The following FAM184B variants were observed in gnomAD, a reference collection of about 807,000 sequenced individuals.
The protein encoded by FAM184B is family with sequence similarity 184 member B.
In FAM184B, 111 loss-of-function variants were observed where a neutral mutation model predicts 135.9. The observed-to-expected ratio is 0.82, with a 90% CI of 0.70 to 0.96. The LOEUF is 0.96. Ranked by LOEUF, FAM184B falls within the 40% of genes least tolerant of loss-of-function variation. The pLI is 0.00. For missense variants in FAM184B, 1,375 were observed against 1,323.9 expected, an observed-to-expected ratio of 1.04 and a Z score of -0.60; for synonymous variants, 552 against 524.8, an observed-to-expected ratio of 1.05 and a Z score of -0.71.
At chr4:17,771,313 A>G (rs1415213310) in intron 1 of FAM184B, among the ~76,000 whole-genome samples, 1 of 152,144 alleles carries the variant, frequency 6.6e-6, no homozygotes, top group East Asian at 1.9e-4. Context: ...TTTTGGGGGC[A>G]CTGTGGAAAG....
chr4:17,747,823 A>G (rs1169580392), intron 1 of FAM184B, among the ~76,000 whole-genome samples: 1 of 142,974 alleles, frequency 7.0e-6, no homozygotes, highest in Non-Finnish European at 1.5e-5. Context: ...CGGGAGGCTG[A>G]GGCAGGAGAA....
chr4:17,680,147 G>T (rs1716402327), intron 7 of FAM184B, among the ~76,000 whole-genome samples: 1 of 152,100 alleles, frequency 6.6e-6, no homozygotes, highest in Non-Finnish European at 1.5e-5. Flanking sequence ...AGCATATAAG[G>T]TAACACATAT....
At chr4:17,644,149 G>A (rs529567446) in intron 12 of FAM184B, among the ~76,000 whole-genome samples, 1 of 152,192 alleles carries the variant, frequency 6.6e-6, no homozygotes, top group Admixed American at 6.5e-5. Context: ...GGACATACAG[G>A]TCATAATCAG....
intron 16 of FAM184B, 97 bp from the exon 17 acceptor site, chr4:17,633,985 A>G (rs1212037346): frequency 2.0e-6 from 2 of 982,230 alleles, no homozygotes; most frequent in African/African-American, 1.7e-5. Context: ...TCAAAATTGT[A>G]TCGGAGAAGA....
rs60232026 is a variant in FAM184B at position 17,748,120 on chromosome 4, A to G, written c.141+33039T>C. Among the ~76,000 whole-genome samples the G allele has an allele frequency of 7.1e-3, 1,040 of 147,512 alleles. 17 individuals carry two copies. Among genetic ancestry groups the G allele is most frequent in the African/African-American group, 0.023 (927 of 39,576 alleles). ...CTCCGTCTGAAAAAAAAAAAAAAAA[A>G]AAAGAAAAGAAAGAGTCAGAAGTAG... On this transcript the variant is annotated intron_variant, in intron 1 of 17. Transcript: ENST00000265018.
chr4:17,647,194 G>A (rs1715490064), intron 12 of FAM184B, among the ~76,000 whole-genome samples: 1 of 151,284 alleles, frequency 6.6e-6, no homozygotes, highest in Non-Finnish European at 1.5e-5. Flanking sequence ...CTGTGGAGAA[G>A]GGTCTTCCCC....
chr4:17,742,418 A>C (rs2108983916), intron 1 of FAM184B, among the ~76,000 whole-genome samples: 1 of 152,234 alleles, frequency 6.6e-6, no homozygotes, highest in Admixed American at 6.5e-5. Flanking sequence ...TGAGTGACAG[A>C]GCAATGATAA....
chr4:17,649,232 C>T (rs1715542747), intron 11 of FAM184B, among the ~76,000 whole-genome samples: 2 of 152,158 alleles, frequency 1.3e-5, no homozygotes, highest in African/African-American at 4.8e-5. Context: ...TACTAACCTT[C>T]CCTCAAAGGT....
At chr4:17,778,174 A>G (rs1056849674) in intron 1 of FAM184B, among the ~76,000 whole-genome samples, 2 of 152,208 alleles carry the variant, frequency 1.3e-5, no homozygotes, top group Non-Finnish European at 2.9e-5. Flanking sequence ...TAAACAAAAC[A>G]AATCTGAAAT....
chr4:17,715,128 T>G (rs1328280594), intron 1 of FAM184B, among the ~76,000 whole-genome samples: 1 of 152,196 alleles, frequency 6.6e-6, no homozygotes, highest in Non-Finnish European at 1.5e-5. Context: ...CACCTTGATT[T>G]TTTTAAACTT....
chr4:17,767,544 T>G (rs2108995892), intron 1 of FAM184B, among the ~76,000 whole-genome samples: 1 of 152,326 alleles, frequency 6.6e-6, no homozygotes, highest in South Asian at 2.1e-4. Flanking sequence ...TGAACTAAAT[T>G]GTTTTACGTG....
intron 1 of FAM184B, among the ~76,000 whole-genome samples, chr4:17,752,820 C>T (rs6449334): frequency 0.27 from 41,630 of 152,086 alleles, 5,953 homozygotes; most frequent in South Asian, 0.31. Context: ...TGACCTGTAC[C>T]GAATCCAGGA....
intron 10 of FAM184B, among the ~76,000 whole-genome samples, chr4:17,657,215 T>C (rs2159583): frequency 0.52 from 79,591 of 152,088 alleles, 23,419 homozygotes; most frequent in East Asian, 0.88. Flanking sequence ...TCCTACAACT[T>C]CTAAATGCTT....
At chr4:17,703,923 C>A (rs1717048059) in intron 5 of FAM184B, among the ~76,000 whole-genome samples, 1 of 104,110 alleles carries the variant, frequency 9.6e-6, no homozygotes. Context: ...GACCAAGACT[C>A]CGTTTCAAAA....
intron 1 of FAM184B, among the ~76,000 whole-genome samples, chr4:17,732,071 G>C (rs1325405160): frequency 6.6e-6 from 1 of 152,168 alleles, no homozygotes; most frequent in African/African-American, 2.4e-5. Flanking sequence ...TGAACAACCT[G>C]CTCCTGAGTG....
chr4:17,644,925 T>C (rs1251759344), intron 12 of FAM184B, among the ~76,000 whole-genome samples: 1 of 152,122 alleles, frequency 6.6e-6, no homozygotes, highest in African/African-American at 2.4e-5. Flanking sequence ...TCACAAGCAT[T>C]CTTATACACC....
intron 1 of FAM184B, among the ~76,000 whole-genome samples, chr4:17,766,544 G>A (rs1183370050): frequency 6.6e-6 from 1 of 151,890 alleles, no homozygotes; most frequent in East Asian, 1.9e-4. Context: ...GACACAGAGT[G>A]CTGATTGGTG....
In FAM184B at chr4:17,630,628, T is replaced by G. The variant is rs1020134151; in HGVS notation, c.*1904A>C. 7 of 152,168 alleles carry G rather than the reference T, an allele frequency of 4.6e-5. No individual in the cohort carries two copies. The highest frequency in any genetic ancestry group is 1.0e-4 in the Non-Finnish European group (7 of 68,022). The allele number at this position is 152,168 out of a possible 1,614,324, so 9.4% of individuals were successfully genotyped here. On this transcript the variant is annotated 3_prime_UTR_variant, in exon 18 of 18. Transcript: ENST00000265018. ...AACTAAGACACTCTAAGCGGGAAACTCACAAAAAATATTTGGTAGTGAAAA... is the reference window on the plus strand; with the variant it reads ...AACTAAGACACTCTAAGCGGGAAACGCACAAAAAATATTTGGTAGTGAAAA...
chr4:17,690,032 C>T (rs1011929519), intron 6 of FAM184B, among the ~76,000 whole-genome samples: 5 of 152,056 alleles, frequency 3.3e-5, no homozygotes, highest in Non-Finnish European at 5.9e-5. Context: ...CCTGTAATCC[C>T]AGCTACTTGG....
Sources: gnomAD v4.1 joint callset for allele counts (sites outside exome capture counted in the v4.1 genomes callset) on GRCh38, gnomAD v4.1.1 for gene constraint, MANE v1.5 for transcripts, NCBI Gene and HGNC (gene_info 2026-07-23, HGNC 2026-07-21) for gene names.